Variants in STX18 observed in about 807,000 individuals in gnomAD.
STX18 encodes syntaxin-18.
Under a neutral mutation model 50.1 loss-of-function variants are expected in STX18, and 40 were observed. The observed-to-expected ratio is 0.80, with a 90% confidence interval of 0.62 to 1.04. The LOEUF (loss-of-function observed/expected upper bound fraction) is 1.04, where lower values mean the gene tolerates loss of function less well. Among genes scored for constraint, STX18 ranks in the 50% least tolerant of loss-of-function variants. The probability of loss-of-function intolerance (pLI) is 0.00; values close to 1 mark genes in which losing one functional copy is unlikely to be tolerated. For synonymous variants in STX18, 158 were observed against 151.8 expected, an observed-to-expected ratio of 1.04 and a Z score of -0.30; for missense variants, 410 against 415.8, an observed-to-expected ratio of 0.99 and a Z score of 0.12.
intron 1 of STX18, chr4:4,476,016 T>A (rs1389758197): frequency 1.3e-5 from 2 of 152,234 alleles, no homozygotes; most frequent in African/African-American, 4.8e-5. Flanking sequence ...ATCAAGAGAA[T>A]GCCTCTTACT....
At chr4:4,491,764 C>T (rs1041820018) in intron 1 of STX18, among the ~76,000 whole-genome samples, 3 of 151,938 alleles carry the variant, frequency 2.0e-5, no homozygotes, top group Non-Finnish European at 4.4e-5. Flanking sequence ...AGGGATCTAG[C>T]GCAGCCACAG....
intron 7 of STX18, among the ~76,000 whole-genome samples, chr4:4,430,818 C>T (rs1725481178): frequency 6.6e-6 from 1 of 152,164 alleles, no homozygotes; most frequent in Non-Finnish European, 1.5e-5. Context: ...GCATCCAGCG[C>T]TTGAGACAAT....
At chr4:4,438,132 C>T (rs1725887973) in intron 6 of STX18, among the ~76,000 whole-genome samples, 1 of 152,202 alleles carries the variant, frequency 6.6e-6, no homozygotes, top group Non-Finnish European at 1.5e-5. Context: ...CAGACAGCTC[C>T]CGGCCTCACC....
chr4:4,434,083 C>T (rs1350929437), intron 7 of STX18, among the ~76,000 whole-genome samples: 2 of 152,214 alleles, frequency 1.3e-5, no homozygotes, highest in African/African-American at 4.8e-5. Context: ...ACTTGCCAGG[C>T]ACAGTCACTG....
intron 1 of STX18, among the ~76,000 whole-genome samples, chr4:4,485,957 T>C (rs1728682030): frequency 6.6e-6 from 1 of 152,194 alleles, no homozygotes; most frequent in Non-Finnish European, 1.5e-5. Flanking sequence ...GCAGCCTATA[T>C]CCTTTGCTCT....
At chr4:4,459,312 T>A (rs1727253991) in intron 3 of STX18, 60 bp downstream of exon 3, 2 of 1,245,528 alleles carry the variant, frequency 1.6e-6, no homozygotes, top group Non-Finnish European at 2.4e-6. Context: ...ACCATATGCA[T>A]CTTGTTTAAC....
Position 4,479,223 on chromosome 4 carries a change from T to C in STX18, c.169-7517A>G, listed in dbSNP as rs140833513. ...TCTCCTAACAATCCCTTAGGGTAGG[T>C]ATCATTATTACCCTTTTGCAGATGA... On this transcript the variant is annotated intron_variant, in intron 1 of 10. Coordinates refer to ENST00000306200, the MANE Select transcript of STX18 (RefSeq NM_016930.4). Among the ~76,000 whole-genome samples, 22 of 152,316 alleles carry C rather than the reference T, an allele frequency of 1.4e-4. No homozygotes were observed. The East Asian group carries it at 4.1e-3, about 28-fold the overall frequency.
At chr4:4,488,078 T>C (rs565660790) in intron 1 of STX18, among the ~76,000 whole-genome samples, 1 of 152,310 alleles carries the variant, frequency 6.6e-6, no homozygotes, top group Non-Finnish European at 1.5e-5. Context: ...AATATTTTAG[T>C]ACACTCAAAA....
chr4:4,483,861 A>AT (rs149430155), intron 1 of STX18, among the ~76,000 whole-genome samples: 68 of 150,758 alleles, frequency 4.5e-4, no homozygotes, highest in African/African-American at 1.1e-3. Flanking sequence ...CCTCTCAGGA[A>AT]TTTTTTTTTT....
chr4:4,492,248 G>A (rs1728975671), intron 1 of STX18, among the ~76,000 whole-genome samples: 1 of 151,994 alleles, frequency 6.6e-6, no homozygotes, highest in African/African-American at 2.4e-5. Context: ...ATTAAAATCA[G>A]AGCTCATTCT....
chr4:4,459,565 A>G, intron 2 of STX18, 78 bp from the exon 3 acceptor site: 1 of 1,024,682 alleles, frequency 9.8e-7, no homozygotes, highest in Non-Finnish European at 1.5e-6. Context: ...AAGAGAAGAA[A>G]AGGCCTCCCT....
intron 1 of STX18, among the ~76,000 whole-genome samples, chr4:4,520,671 G>C (rs1730466865): frequency 6.6e-6 from 1 of 152,076 alleles, no homozygotes; most frequent in East Asian, 1.9e-4. Context: ...TGTGTTTACT[G>C]AAAATGCCTT....
chr4:4,463,758 T>C (rs988437765), intron 2 of STX18, among the ~76,000 whole-genome samples: 11 of 152,196 alleles, frequency 7.2e-5, no homozygotes, highest in African/African-American at 2.7e-4. Flanking sequence ...CCTTTAGAAA[T>C]AAAATTGACA....
At position 4,420,146 on chromosome 4, in the gene STX18, G is replaced by C; in HGVS notation, c.913-17C>G. 3 of 1,596,920 alleles carry C rather than the reference G, an allele frequency of 1.9e-6. No homozygotes were observed. Among genetic ancestry groups the C allele is most frequent in the Non-Finnish European group, 2.6e-6 (3 of 1,171,752 alleles). On this transcript the variant is annotated splice_polypyrimidine_tract_variant and intron_variant, in intron 10 of 10. Coordinates refer to ENST00000306200, the MANE Select transcript of STX18 (RefSeq NM_016930.4). The surrounding 1 kb of genome is among the most constrained non-coding windows in gnomAD (Gnocchi z 4.3). ...TTTAATGGCCTGGGCAGGGACGGGA[G>C]CACAGGTGTTTTTATCACACAGGAT... is the stretch of plus-strand genomic sequence containing the variant.
At chr4:4,423,997 T>C (rs1412303618) in intron 8 of STX18, among the ~76,000 whole-genome samples, 5 of 152,148 alleles carry the variant, frequency 3.3e-5, no homozygotes, top group Non-Finnish European at 5.9e-5. Context: ...ATTCAGAAGG[T>C]CAGAATATGC....
rs1030146471 is a variant in STX18, at chr4:4,419,410, A to ATTGAT, written c.*619_*623dup. On this transcript the variant is annotated 3_prime_UTR_variant, in exon 11 of 11. Coordinates refer to ENST00000306200, the MANE Select transcript of STX18 (RefSeq NM_016930.4). ...CAGTCTCCCCTGCATTTCTTCCCTG[A>ATTGAT]TTGATTGATAGGAGGTGGCTGGGCT... 3 of 152,200 alleles carry ATTGAT rather than the reference A, an allele frequency of 2.0e-5. No homozygotes were observed. The highest frequency in any genetic ancestry group is 2.9e-5 in the Non-Finnish European group (2 of 68,060). The allele number at this position is 152,200 out of a possible 1,614,324, so 9.4% of individuals were successfully genotyped here. A position where few individuals can be genotyped will look rare whatever the true frequency, so the allele number is the denominator to read the frequency against.
chr4:4,524,347 C>T (rs1730653133), intron 1 of STX18, among the ~76,000 whole-genome samples: 1 of 152,230 alleles, frequency 6.6e-6, no homozygotes, highest in African/African-American at 2.4e-5. Context: ...CAATTCGTCC[C>T]TGATTCTCAG....
intron 6 of STX18, chr4:4,437,509 CA>C: frequency 1.5e-6 from 1 of 660,278 alleles, no homozygotes; most frequent in Non-Finnish European, 1.9e-6. Flanking sequence ...TGCAAATATG[CA>C]AAAATTTGAA....
chr4:4,507,334 A>G (rs1039080536), intron 1 of STX18: 3 of 742,640 alleles, frequency 4.0e-6, no homozygotes, highest in Non-Finnish European at 7.6e-6. Context: ...AGAGCTGAAT[A>G]TTATGGCAGC....
Sources: gnomAD v4.1 joint callset for allele counts (sites outside exome capture counted in the v4.1 genomes callset) on GRCh38, gnomAD v4.1.1 for gene constraint, Gnocchi (gnomAD v3.1) non-coding constraint, MANE v1.5 for transcripts, NCBI Gene and HGNC (gene_info 2026-07-23, HGNC 2026-07-21) for gene names.